Variants in DNAJB1 observed in about 807,000 individuals in gnomAD.
DNAJB1 encodes dnaJ homolog subfamily B member 1.
A neutral mutation model predicts 24.0 loss-of-function variants in DNAJB1; 14 were observed. The ratio of observed to expected loss-of-function variants is 0.58; its 90% CI spans 0.39 to 0.91. DNAJB1 has a LOEUF of 0.91. DNAJB1 is among the 40% of genes least tolerant of loss of function. DNAJB1 has a pLI of 0.00. For synonymous variants in DNAJB1, 262 were observed against 174.4 expected, an observed-to-expected ratio of 1.50 and a Z score of -3.96; for missense variants, 517 against 458.1, an observed-to-expected ratio of 1.13 and a Z score of -1.17.
intron 1 of DNAJB1, among the ~76,000 whole-genome samples, chr19:14,539,393 CAAA>C (rs1205133227): frequency 3.3e-5 from 5 of 152,146 alleles, no homozygotes; most frequent in African/African-American, 9.6e-5. Flanking sequence ...CCTGTTGTGA[CAAA>C]GAATCATCCC....
chr19:14,536,140 A>C (rs767478388), intron 1 of DNAJB1, among the ~76,000 whole-genome samples: 16 of 152,096 alleles, frequency 1.1e-4, no homozygotes, highest in Non-Finnish European at 2.1e-4. Flanking sequence ...GTTGGGCAGT[A>C]TTGATTGATA....
At chr19:14,544,027 C>A (rs551223974) in intron 1 of DNAJB1, among the ~76,000 whole-genome samples, 10 of 152,112 alleles carry the variant, frequency 6.6e-5, no homozygotes, top group African/African-American at 2.2e-4. Context: ...TGTGAGCCAA[C>A]GTGCCGGGCC....
chr19:14,542,103 C>T (rs114331080), intron 1 of DNAJB1, among the ~76,000 whole-genome samples: 2,423 of 151,970 alleles, frequency 0.016, 51 homozygotes, highest in African/African-American at 0.052. Flanking sequence ...CAATGAAAGT[C>T]CCTTTTCTGT....
At chr19:14,529,410 C>T (rs2072521956), upstream of DNAJB1, 2 of 588,056 alleles carry the variant, frequency 3.4e-6, no homozygotes. Flanking sequence ...TTCTCTTTAG[C>T]CCCTCCTACA....
intron 1 of DNAJB1, among the ~76,000 whole-genome samples, chr19:14,539,739 G>A (rs1006082202): frequency 2.0e-5 from 3 of 151,884 alleles, no homozygotes; most frequent in Non-Finnish European, 4.4e-5. Flanking sequence ...CTGGCCCTTC[G>A]TGTTACCGAG....
intron 2 of DNAJB1, among the ~76,000 whole-genome samples, chr19:14,524,627 C>T (rs1446985971): frequency 1.3e-5 from 2 of 151,462 alleles, no homozygotes; most frequent in African/African-American, 4.9e-5. Context: ...AGGTGGATCC[C>T]TTGAAGTCAG....
chr19:14,546,673 C>T (rs2073317685), intron 1 of DNAJB1, among the ~76,000 whole-genome samples: 1 of 152,136 alleles, frequency 6.6e-6, no homozygotes, highest in Non-Finnish European at 1.5e-5. Context: ...TGAAATATTT[C>T]TTAAACATTA....
chr19:14,515,676 C>G lies in DNAJB1; in HGVS notation c.*264G>C. 2.3e-6 allele frequency: 1 copy of G among 433,938 alleles called. No homozygotes were observed. The highest frequency in any genetic ancestry group is 4.1e-6 in the Non-Finnish European group (1 of 243,584). The allele number at this position is 433,938 out of a possible 1,614,324, so 26.9% of individuals were successfully genotyped here. ...GGACTGGAGGTGGATGTGGGCCCAT[C>G]CCGGGAGGGCTGCCAGACCCAGTGG... On this transcript the variant is annotated 3_prime_UTR_variant, in exon 3 of 3. Coordinates refer to ENST00000254322, the MANE Select transcript of DNAJB1 (RefSeq NM_006145.3).
At chr19:14,549,291 C>T (rs1173586854) in intron 1 of DNAJB1, among the ~76,000 whole-genome samples, 1 of 147,984 alleles carries the variant, frequency 6.8e-6, no homozygotes, top group Non-Finnish European at 1.5e-5. Flanking sequence ...CAGCTCACTG[C>T]AACCTCTGCC....
At chr19:14,525,802 A>G (rs1328629409) in intron 2 of DNAJB1, among the ~76,000 whole-genome samples, 4 of 151,372 alleles carry the variant, frequency 2.6e-5, no homozygotes, top group African/African-American at 9.7e-5. Context: ...TTACACTTCA[A>G]TGAAAAAAAA....
intron 2 of DNAJB1, among the ~76,000 whole-genome samples, chr19:14,524,845 C>CAAAAAAAAAGAA (rs2072401009): frequency 8.9e-6 from 1 of 112,200 alleles, no homozygotes; most frequent in Non-Finnish European, 1.7e-5. Flanking sequence ...GACTCGTTCT[C>CAAAAAAAAAGAA]AAAAAAAAAA....
intron 1 of DNAJB1, among the ~76,000 whole-genome samples, chr19:14,538,413 G>A (rs1568399894): frequency 6.6e-6 from 1 of 152,174 alleles, no homozygotes; most frequent in Non-Finnish European, 1.5e-5. Context: ...CACAGGCAGG[G>A]TAAAAATCCT....
At chr19:14,528,004 C>A (rs762748587) in intron 1 of DNAJB1, among the ~76,000 whole-genome samples, 12 of 151,810 alleles carry the variant, frequency 7.9e-5, no homozygotes, top group Non-Finnish European at 8.8e-5. Flanking sequence ...GATTCTCAGC[C>A]TCCCTAGTAG....
intron 1 of DNAJB1, among the ~76,000 whole-genome samples, chr19:14,535,572 ATATATATATATATATATGTATG>A (rs1438517472): frequency 6.3e-4 from 20 of 31,764 alleles, no homozygotes; most frequent in South Asian, 1.6e-3. Context: ...ATATATATAT[ATATATATATATATATATGTATG>A]TATATATAAA....
chr19:14,517,565 G>C (rs562708359), intron 1 of DNAJB1: 1 of 154,724 alleles, frequency 6.5e-6, no homozygotes, highest in Non-Finnish European at 1.4e-5. Flanking sequence ...AACGGGCACA[G>C]GAACAAAAAG....
chr19:14,540,611 T>C (rs906337283), intron 1 of DNAJB1, among the ~76,000 whole-genome samples: 2 of 151,356 alleles, frequency 1.3e-5, no homozygotes, highest in South Asian at 4.2e-4. Flanking sequence ...AGGCTGGTCT[T>C]GAACTCCTGA....
intron 1 of DNAJB1, among the ~76,000 whole-genome samples, chr19:14,547,191 T>G (rs1277605427): frequency 2.0e-5 from 3 of 152,122 alleles, no homozygotes; most frequent in African/African-American, 4.8e-5. Context: ...TTCAAATTAC[T>G]GAAGCATTTA....
upstream of DNAJB1, among the ~76,000 whole-genome samples, chr19:14,519,229 G>A (rs1268009952): frequency 6.6e-6 from 1 of 152,068 alleles, no homozygotes; most frequent in Non-Finnish European, 1.5e-5. Context: ...TTACCCGGGC[G>A]TTGGTGGCAC....
At chr19:14,517,116 G>A (rs2072281684) in intron 1 of DNAJB1, 70 bp from the exon 2 acceptor site, 3 of 1,501,640 alleles carry the variant, frequency 2.0e-6, no homozygotes, top group South Asian at 1.3e-5. Flanking sequence ...CCTTACAGGG[G>A]GAAACAGCTT....
Sources: allele counts gnomAD v4.1 joint callset (sites outside exome capture counted in the v4.1 genomes callset), GRCh38; gene constraint gnomAD v4.1.1; transcripts MANE v1.5; gene names NCBI Gene and HGNC (gene_info 2026-07-23, HGNC 2026-07-21).